The following CD80 variants were observed in gnomAD, a reference collection of about 807,000 sequenced individuals.
CD80 encodes the protein T-lymphocyte activation antigen CD80.
Under a neutral mutation model 27.1 loss-of-function variants are expected in CD80, and 13 were observed. That is an observed-to-expected ratio of 0.48 (90% CI 0.31 to 0.76). The LOEUF (loss-of-function observed/expected upper bound fraction) is 0.76, where lower values mean the gene tolerates loss of function less well. Ranked by LOEUF, CD80 falls within the 30% of genes least tolerant of loss-of-function variation. The pLI, the probability that CD80 is intolerant of heterozygous loss-of-function variation, is 0.04. For missense variants in CD80, 277 were observed against 347.9 expected, an observed-to-expected ratio of 0.80 and a Z score of 1.62; for synonymous variants, 125 against 125.5, an observed-to-expected ratio of 1.00 and a Z score of 0.03.
At chr3:119,553,634 T>C (rs1577113666) in intron 2 of CD80, among the ~76,000 whole-genome samples, 1 of 152,134 alleles carries the variant, frequency 6.6e-6, no homozygotes, top group African/African-American at 2.4e-5. Flanking sequence ...GAGGCTGCCC[T>C]CGCAGGGGTC....
intron 2 of CD80, among the ~76,000 whole-genome samples, chr3:119,545,808 A>G (rs936109783): frequency 1.3e-5 from 2 of 151,460 alleles, no homozygotes; most frequent in South Asian, 2.1e-4. Context: ...CCTCCTGGCT[A>G]CTGTGCTGCT....
intron 3 of CD80, among the ~76,000 whole-genome samples, chr3:119,539,481 C>T (rs754844803): frequency 6.6e-6 from 1 of 151,838 alleles, no homozygotes; most frequent in Non-Finnish European, 1.5e-5. Flanking sequence ...CAACATTGAG[C>T]CTATAACCTC....
At chr3:119,532,933 C>G (rs544807924) in intron 4 of CD80, among the ~76,000 whole-genome samples, 1 of 152,302 alleles carries the variant, frequency 6.6e-6, no homozygotes, top group East Asian at 1.9e-4. Flanking sequence ...CACTTAAAGA[C>G]AGGATAGTTG....
In CD80 at chr3:119,544,556, C is replaced by A. The variant is rs761167098; in HGVS notation, c.412G>T (p.Val138Phe). ...REHLAEVTLS[V>F]KADFPTPSIS... ...ATCAGAAAATCCCACCAACCTTTGA[C>A]TGATAACGTCACTTCAGCCAGGTGT... The change falls in exon 3 of 7, where the codon GTC (valine) becomes TTC (phenylalanine). Residue 138 changes from valine (V) to phenylalanine (F), a missense_variant. Physicochemically the swap from Val to Phe is conservative, Grantham distance 50 (BLOSUM62 -1). Coordinates refer to ENST00000264246, the MANE Select transcript of CD80 (RefSeq NM_005191.4). 1 of 1,612,736 alleles carries A rather than the reference C, an allele frequency of 6.2e-7. No individual in the cohort carries two copies. Among genetic ancestry groups the A allele is most frequent in the East Asian group, 2.2e-5 (1 of 44,840 alleles).
intron 5 of CD80, among the ~76,000 whole-genome samples, chr3:119,529,482 T>C (rs1263571663): frequency 6.6e-6 from 1 of 152,058 alleles, no homozygotes; most frequent in Non-Finnish European, 1.5e-5. Flanking sequence ...TAAAAAAAAA[T>C]TAGAATATCA....
At chr3:119,549,458 G>A (rs75903584) in intron 2 of CD80, among the ~76,000 whole-genome samples, 4,385 of 152,180 alleles carry the variant, frequency 0.029, 115 homozygotes, top group African/African-American at 0.067. Flanking sequence ...AGGCCCCAGC[G>A]CCCCCTGCCC....
At chr3:119,538,066 G>T (rs2082148988) in intron 3 of CD80, among the ~76,000 whole-genome samples, 1 of 152,170 alleles carries the variant, frequency 6.6e-6, no homozygotes, top group African/African-American at 2.4e-5. Flanking sequence ...TTGTTTGTTA[G>T]GTCTGGACCT....
intron 2 of CD80, among the ~76,000 whole-genome samples, chr3:119,554,056 T>A (rs1483050105): frequency 6.6e-6 from 1 of 152,240 alleles, no homozygotes; most frequent in Non-Finnish European, 1.5e-5. Context: ...TGTTCCTGAC[T>A]TTTCCCCCTG....
At chr3:119,530,067 GC>G (rs2082101637) in intron 4 of CD80, 130 bp from the exon 5 acceptor site, 2 of 603,036 alleles carry the variant, frequency 3.3e-6, no homozygotes, top group Non-Finnish European at 5.9e-6. Flanking sequence ...GCAGCTGCTA[GC>G]ATTTTTCTTG....
At chr3:119,537,750 C>T (rs763697628) in intron 3 of CD80, among the ~76,000 whole-genome samples, 4 of 152,094 alleles carry the variant, frequency 2.6e-5, no homozygotes, top group Non-Finnish European at 2.9e-5. Context: ...TGCAGTTAGC[C>T]GAGATCGTAC....
At position 119,537,136 on chromosome 3, in the gene CD80, C is replaced by A. The variant is rs1444573772; in HGVS notation, c.700+1G>T. 1 of 1,610,894 alleles carries A rather than the reference C, an allele frequency of 6.2e-7. No homozygotes were observed. Among genetic ancestry groups the A allele is most frequent in the Non-Finnish European group, 8.5e-7 (1 of 1,177,172 alleles). ...AAACTCCCCAGAACAATGTCACTTACTTGTATTCCAGTTGAAGGTCTGATT... is the reference window on the plus strand; with the variant it reads ...AAACTCCCCAGAACAATGTCACTTAATTGTATTCCAGTTGAAGGTCTGATT... On this transcript the variant is annotated splice_donor_variant, in intron 4 of 6. Transcript: ENST00000264246. LOFTEE classifies it high-confidence loss of function.
chr3:119,550,803 G>T (rs947922336), intron 2 of CD80, among the ~76,000 whole-genome samples: 4 of 152,062 alleles, frequency 2.6e-5, no homozygotes, highest in Admixed American at 1.3e-4. Flanking sequence ...ACAGTACCTA[G>T]GACATTAGAG....
chr3:119,530,669 A>C (rs1453324181), intron 4 of CD80, among the ~76,000 whole-genome samples: 1 of 152,186 alleles, frequency 6.6e-6, no homozygotes, highest in East Asian at 1.9e-4. Context: ...CCAGATCAGG[A>C]GCAGCAGCTG....
intron 4 of CD80, among the ~76,000 whole-genome samples, chr3:119,532,313 C>G (rs544698415): frequency 6.6e-6 from 1 of 151,978 alleles, no homozygotes; most frequent in Non-Finnish European, 1.5e-5. Flanking sequence ...ACCAGCCTGG[C>G]CAACATAGTG....
chr3:119,537,379 G>C lies in CD80; in HGVS notation c.458C>G (p.Pro153Arg). The C allele has an allele frequency of 1.2e-6, 2 of 1,611,764 alleles. No homozygotes were observed. The highest frequency in any genetic ancestry group is 8.5e-7 in the Non-Finnish European group (1 of 1,177,938). The change falls in exon 4 of 7, where the codon CCA becomes CGA. Residue 153 changes from proline to arginine, a missense_variant. Coordinates refer to ENST00000264246, the MANE Select transcript of CD80 (RefSeq NM_005191.4). ...PTPSISDFEI[P>R]TSNIRRIICS... The stretch of plus-strand genomic sequence containing the variant: ...AATTATCCTTCTAATATTAGAAGTT[G>C]GAATTTCAAAGTCAGATATACTAGG...
At chr3:119,550,661 T>A (rs7619215) in intron 2 of CD80, among the ~76,000 whole-genome samples, 1,999 of 152,252 alleles carry the variant, frequency 0.013, 51 homozygotes, top group African/African-American at 0.045. Flanking sequence ...CACCTGGAAA[T>A]CTCAATATTA....
chr3:119,552,042 A>G (rs2082235399), intron 2 of CD80, among the ~76,000 whole-genome samples: 1 of 152,222 alleles, frequency 6.6e-6, no homozygotes, highest in East Asian at 1.9e-4. Flanking sequence ...TGTAGGGCAC[A>G]ATAGGGACAC....
chr3:119,544,918 C>G (rs766233590), intron 2 of CD80, 51 bp from the exon 3 acceptor site: 2 of 1,474,490 alleles, frequency 1.4e-6, no homozygotes, highest in East Asian at 2.3e-5. Context: ...ATACAGATTC[C>G]TGCATGGTCA....
intron 4 of CD80, among the ~76,000 whole-genome samples, chr3:119,534,101 G>A (rs918611103): frequency 6.6e-6 from 1 of 152,126 alleles, no homozygotes; most frequent in Non-Finnish European, 1.5e-5. Context: ...TGGGTGTAGT[G>A]GCTCACACCT....
Sources: allele counts gnomAD v4.1 joint callset (sites outside exome capture counted in the v4.1 genomes callset), GRCh38; gene constraint gnomAD v4.1.1; transcripts MANE v1.5; gene names NCBI Gene and HGNC (gene_info 2026-07-23, HGNC 2026-07-21).